Variants in DIAPH2 observed in about 807,000 individuals in gnomAD.
The protein encoded by DIAPH2 is diaphanous related formin 2.
DIAPH2 carries 35 observed loss-of-function variants against 92.7 expected under a neutral mutation model. The ratio of observed to expected loss-of-function variants is 0.38; its 90% confidence interval spans 0.29 to 0.50. DIAPH2 has a LOEUF of 0.50. Ranked by LOEUF, DIAPH2 falls within the 20% of genes least tolerant of loss-of-function variation. The probability of loss-of-function intolerance (pLI) is 0.94; values close to 1 mark genes in which losing one functional copy is unlikely to be tolerated. For synonymous variants in DIAPH2, 301 were observed against 280.4 expected, an observed-to-expected ratio of 1.07 and a Z score of -0.73; for missense variants, 701 against 819.5, an observed-to-expected ratio of 0.86 and a Z score of 1.77.
chrX:96,962,820 GT>G (rs1213366014), intron 16 of DIAPH2, among the ~76,000 whole-genome samples: 1 of 109,912 alleles, frequency 9.1e-6, no homozygotes, highest in African/African-American at 3.3e-5. Context: ...TGTTCATTTT[GT>G]GTATCCGTTG....
At chrX:97,168,674 A>G (rs1228025861) in intron 22 of DIAPH2, among the ~76,000 whole-genome samples, 3 of 111,807 alleles carry the variant, frequency 2.7e-5, no homozygotes, top group Non-Finnish European at 5.6e-5. Flanking sequence ...TCTTCAGACT[A>G]CTGTTACAGA....
chrX:96,797,218 C>T (rs755081206), intron 4 of DIAPH2, among the ~76,000 whole-genome samples: 3 of 110,555 alleles, frequency 2.7e-5, no homozygotes, highest in Non-Finnish European at 5.7e-5. Context: ...CAGTGGCTCA[C>T]GCCTGTAATC....
chrX:97,233,614 A>G (rs1018211886), intron 22 of DIAPH2, among the ~76,000 whole-genome samples: 3 of 111,811 alleles, frequency 2.7e-5, no homozygotes, highest in Non-Finnish European at 5.6e-5. Context: ...AGATGGGATA[A>G]TGGAGAATTT....
intron 25 of DIAPH2, among the ~76,000 whole-genome samples, chrX:97,408,770 A>G (rs368319270): frequency 3.6e-5 from 4 of 111,671 alleles, no homozygotes; most frequent in African/African-American, 1.3e-4. Context: ...TTCTTTTGCT[A>G]TTTTTTAGAA....
At chrX:97,238,210 C>G (rs2068064605) in intron 22 of DIAPH2, among the ~76,000 whole-genome samples, 1 of 110,665 alleles carries the variant, frequency 9.0e-6, no homozygotes, top group Non-Finnish European at 1.9e-5. Context: ...TCCCTTCCTC[C>G]TTGTTTTCTT....
At chrX:97,101,660 T>G (rs1221689401) in intron 20 of DIAPH2, among the ~76,000 whole-genome samples, 1 of 112,260 alleles carries the variant, frequency 8.9e-6, no homozygotes, top group Non-Finnish European at 1.9e-5. Context: ...ATACTTTAGT[T>G]TGTTAAACGT....
At chrX:97,448,564 G>A (rs2070332368) in intron 26 of DIAPH2, among the ~76,000 whole-genome samples, 1 of 111,710 alleles carries the variant, frequency 9.0e-6, no homozygotes, top group Admixed American at 9.5e-5. Flanking sequence ...CCCAAAGCAG[G>A]GGCTCTGTGA....
rs188843981 is a variant in DIAPH2 at position 96,936,597 on chromosome X, C to T, written c.1090-636C>T. On this transcript the variant is annotated intron_variant, in intron 10 of 26. Transcript: ENST00000324765. ...TTATCAGAGGTTTGTAATGCATGTG[C>T]TTATAATGTATTACAAAAACATAAC... 2.4e-3 allele frequency among the ~76,000 whole-genome samples: 270 copies of T among 111,511 alleles called. 1 individual carries two copies. The highest frequency in any genetic ancestry group is 4.2e-3 in the Non-Finnish European group (220 of 52,930).
At chrX:96,809,704 G>A (rs2064660335) in intron 4 of DIAPH2, among the ~76,000 whole-genome samples, 1 of 110,471 alleles carries the variant, frequency 9.1e-6, no homozygotes, top group Admixed American at 9.7e-5. Flanking sequence ...TGTGTGATGT[G>A]CCCCACCCTG....
At chrX:97,527,555 C>T (rs2071032692) in intron 26 of DIAPH2, among the ~76,000 whole-genome samples, 1 of 112,156 alleles carries the variant, frequency 8.9e-6, no homozygotes, top group Non-Finnish European at 1.9e-5. Flanking sequence ...AAAGCATTTT[C>T]CTACCAAGGC....
rs181261724 is a variant in DIAPH2 at position 97,034,075 on chromosome X, G to T, written c.2051-38866G>T. ...CATTTTTTTTTGTAGAGCAGACATT[G>T]TTAGTGTGTGCATTTTTTTTTTTAC... On this transcript the variant is annotated intron_variant, in intron 17 of 26. Transcript: ENST00000324765. 2.1e-3 allele frequency among the ~76,000 whole-genome samples: 102 copies of T among 48,744 alleles called. 3 individuals carry two copies. In the East Asian group the frequency reaches 0.065, roughly 31 times the overall value. 42.3% of individuals were successfully genotyped at this position (48,744 alleles called of 115,157 possible).
intron 7 of DIAPH2, among the ~76,000 whole-genome samples, chrX:96,914,302 T>C (rs1175547728): frequency 9.0e-6 from 1 of 110,987 alleles, no homozygotes; most frequent in Non-Finnish European, 1.9e-5. Flanking sequence ...TCTTAGTCTT[T>C]GGCTACAAAG....
At chrX:97,377,944 A>G (rs1364096317) in intron 24 of DIAPH2, among the ~76,000 whole-genome samples, 1 of 111,092 alleles carries the variant, frequency 9.0e-6, no homozygotes, top group Non-Finnish European at 1.9e-5. Context: ...ACTGAAAGAA[A>G]CAATTTAAAA....
chrX:97,251,252 A>G (rs2068186271), intron 23 of DIAPH2, among the ~76,000 whole-genome samples: 1 of 111,980 alleles, frequency 8.9e-6, no homozygotes, highest in Non-Finnish European at 1.9e-5. Context: ...ACTCAAAGAA[A>G]CAGGGAAAAA....
intron 17 of DIAPH2, among the ~76,000 whole-genome samples, chrX:96,998,343 C>G (rs1255015387): frequency 9.0e-6 from 1 of 110,703 alleles, no homozygotes; most frequent in African/African-American, 3.3e-5. Context: ...GTTTACTGAG[C>G]AGATTTTTGA....
intron 17 of DIAPH2, among the ~76,000 whole-genome samples, chrX:97,022,124 C>G: frequency 8.9e-6 from 1 of 112,015 alleles, no homozygotes; most frequent in Non-Finnish European, 1.9e-5. Context: ...ATAATCCCAG[C>G]TCTGTACTTT....
At chrX:97,411,648 C>T (rs188567789) in intron 25 of DIAPH2, among the ~76,000 whole-genome samples, 58 of 111,986 alleles carry the variant, frequency 5.2e-4, no homozygotes, top group African/African-American at 1.8e-3. Context: ...GTGCTATATT[C>T]AGGAGACACA....
At chrX:97,020,260 A>T (rs1312421632) in intron 17 of DIAPH2, among the ~76,000 whole-genome samples, 1 of 112,075 alleles carries the variant, frequency 8.9e-6, no homozygotes, top group Non-Finnish European at 1.9e-5. Flanking sequence ...TCAGGAACAC[A>T]ATTCTTAATT....
chrX:97,328,161 G>A (rs974978896), intron 23 of DIAPH2, among the ~76,000 whole-genome samples: 113 of 111,485 alleles, frequency 1.0e-3, no homozygotes, highest in African/African-American at 3.3e-3. Flanking sequence ...ACGGCCAGGC[G>A]GAGTGTCTCA....
Sources: gnomAD v4.1 joint callset for allele counts (sites outside exome capture counted in the v4.1 genomes callset) on GRCh38, gnomAD v4.1.1 for gene constraint, MANE v1.5 for transcripts, NCBI Gene and HGNC (gene_info 2026-07-23, HGNC 2026-07-21) for gene names.